The following ELP5 variants were observed in gnomAD, a reference collection of about 807,000 sequenced individuals.
The protein encoded by ELP5 is elongator complex protein 5.
ELP5 carries 34 observed loss-of-function variants against 33.4 expected under a neutral mutation model. That is an observed-to-expected ratio of 1.02 (90% confidence interval 0.78 to 1.36). The LOEUF (loss-of-function observed/expected upper bound fraction) is 1.36, where lower values mean the gene tolerates loss of function less well. Among genes scored for constraint, ELP5 ranks in the 40% most tolerant of loss-of-function variants. The probability of loss-of-function intolerance (pLI) is 0.00; values close to 1 mark genes in which losing one functional copy is unlikely to be tolerated. For synonymous variants in ELP5, 161 were observed against 146.4 expected, an observed-to-expected ratio of 1.10 and a Z score of -0.72; for missense variants, 373 against 371.7, an observed-to-expected ratio of 1.00 and a Z score of -0.03.
chr17:7,252,499 G>T lies in ELP5; in HGVS notation c.-52G>T. Reference sequence around the variant, plus strand: ...TTCACCCCGAGGAGGAAGGACACTGGGTCATGACGCCATCAGAGGGCGCCA... The same window carrying T: ...TTCACCCCGAGGAGGAAGGACACTGTGTCATGACGCCATCAGAGGGCGCCA... On this transcript the variant is annotated 5_prime_UTR_variant, in exon 1 of 8. Coordinates refer to ENST00000396628, the MANE Select transcript of ELP5 (RefSeq NM_203414.3). 1 of 1,613,482 alleles carries T rather than the reference G, an allele frequency of 6.2e-7. No individual in the cohort carries two copies. The highest frequency in any genetic ancestry group is 1.1e-5 in the South Asian group (1 of 90,910).
rs375900480 is a variant in ELP5 at position 7,259,720 on chromosome 17, G to A, written c.*35G>A. On this transcript the variant is annotated 3_prime_UTR_variant, in exon 8 of 8. Transcript: ENST00000396628. ...TTTGATTAGATTGTAATTGGAGGGG[G>A]CGCGGGAAGACTTTGGGCCCAGAAC... The A allele has an allele frequency of 1.1e-5, 17 of 1,613,650 alleles. No individual in the cohort carries two copies. In the Admixed American group the frequency reaches 2.8e-4, roughly 27 times the overall value.
Position 7,258,675 on chromosome 17 carries a change from A to T in ELP5, c.679A>T (p.Ile227Leu). 2 of 1,614,096 alleles carry T rather than the reference A, an allele frequency of 1.2e-6. No homozygotes were observed. Among genetic ancestry groups the T allele is most frequent in the East Asian group, 4.5e-5 (2 of 44,880 alleles). ...VESQPYSDPH[I>L]PPVDPTTHLT... ...GTCCCAGCCCTACTCCGATCCTCAT[A>T]TACCCCCGGTATCTAAGAATGCCAA... The change falls in exon 6 of 8, where the codon ATA becomes TTA. Residue 227 changes from isoleucine (I) to leucine (L), a missense_variant. Transcript: ENST00000396628.
intron 4 of ELP5, 117 bp downstream of exon 4, chr17:7,254,920 T>G (rs1283744364): frequency 2.7e-6 from 2 of 748,268 alleles, no homozygotes; most frequent in Non-Finnish European, 4.1e-6. Context: ...CTTTTTTCAT[T>G]TTTTTGACTT....
At position 7,258,606 on chromosome 17, in the gene ELP5, C is replaced by T; in HGVS notation, c.610C>T (p.Leu204Phe). 6.2e-7 allele frequency: 1 copy of T among 1,614,182 alleles called. No individual in the cohort carries two copies. Among genetic ancestry groups the T allele is most frequent in the Non-Finnish European group, 8.5e-7 (1 of 1,180,028 alleles). ...TCTCCAGACTCAGTGGTTCTCCATC[C>T]TTCCGGACTTCAGCCTGGATCTCCA... ...PTDQTQWFSI[L>F]PDFSLDLQEG... The change falls in exon 6 of 8, where the codon CTT (leucine) becomes TTT (phenylalanine). Residue 204 changes from leucine (L) to phenylalanine (F), a missense_variant. Leu to Phe is a conservative substitution (Grantham distance 22, BLOSUM62 0). Coordinates refer to ENST00000396628, the MANE Select transcript of ELP5 (RefSeq NM_203414.3).
intron 5 of ELP5, 46 bp downstream of exon 5, chr17:7,257,084 A>G (rs758828069): frequency 4.7e-5 from 71 of 1,498,922 alleles, no homozygotes; most frequent in Non-Finnish European, 6.2e-5. Flanking sequence ...GGACAGAGAA[A>G]GGGGTGGCAC....
rs2071984895 is a variant in ELP5, at chr17:7,252,985, G to C, written c.175G>C (p.Asp59His). The change falls in exon 3 of 8, where the codon GAT (aspartate) becomes CAT (histidine). Residue 59 changes from aspartate to histidine, a missense_variant. By Grantham distance (81) the Asp-to-His change is moderately conservative. Transcript: ENST00000396628. Reference protein sequence around the residue: ...EEEFREGFDSDINNRLVYHDF... With the variant: ...EEEFREGFDSHINNRLVYHDF... ...AGAGTTTCGTGAAGGTTTTGACTCT[G>C]ATATCAACAATCGGTAAGTACCAGT... 6.2e-7 allele frequency: 1 copy of C among 1,614,060 alleles called. No homozygotes were observed. Among genetic ancestry groups the C allele is most frequent in the South Asian group, 1.1e-5 (1 of 91,078 alleles).
At position 7,258,774 on chromosome 17, in the gene ELP5, G is replaced by T. The variant is rs774478307; in HGVS notation, c.688-52G>T. The T allele has an allele frequency of 1.1e-5, 17 of 1,613,934 alleles. No homozygotes were observed. The South Asian group carries it at 1.3e-4, about 13-fold the overall frequency. On this transcript the variant is annotated intron_variant, in intron 6 of 7. Coordinates refer to ENST00000396628, the MANE Select transcript of ELP5 (RefSeq NM_203414.3). ...TAAAAGCTGCAGAGGTTGGGGGTGGGGTCAGGGATTCTAGGGATGGGGCAG... is the reference window on the plus strand; with the variant it reads ...TAAAAGCTGCAGAGGTTGGGGGTGGTGTCAGGGATTCTAGGGATGGGGCAG...
intron 4 of ELP5, 49 bp downstream of exon 4, chr17:7,254,852 G>A (rs1230110150): frequency 6.7e-6 from 10 of 1,499,636 alleles, no homozygotes; most frequent in Non-Finnish European, 9.2e-6. Flanking sequence ...CCTCTGCCAA[G>A]GAGTGTGCCC....
chr17:7,259,590 C>T lies in ELP5; in HGVS notation c.808C>T (p.Pro270Ser), dbSNP rs148656210. 3.7e-6 allele frequency: 6 copies of T among 1,614,118 alleles called. No individual in the cohort carries two copies. The African/African-American group carries it at 6.7e-5, about 18-fold the overall frequency. The change falls in exon 8 of 8, where the codon CCT becomes TCT. Residue 270 changes from proline (P) to serine (S), a missense_variant. Transcript: ENST00000396628. Reference sequence around the variant, plus strand: ...TCTCAGACAGCAGGCTCTCCTGCGGCCTAGGCCAGGGCAGGCTACCAGCCA... The same window carrying T: ...TCTCAGACAGCAGGCTCTCCTGCGGTCTAGGCCAGGGCAGGCTACCAGCCA... ...SSEKQQALLR[P>S]RPGQATSHIF... is the part of the protein sequence containing the mutation.
rs751227713 is a variant in ELP5 at position 7,259,784 on chromosome 17, G to C, written c.*99G>C. 150 of 1,518,220 alleles carry C rather than the reference G, an allele frequency of 9.9e-5. No individual in the cohort carries two copies. Among genetic ancestry groups the C allele is most frequent in the Middle Eastern group, 3.5e-4 (2 of 5,642 alleles). 94.0% of individuals were successfully genotyped at this position (1,518,220 alleles called of 1,614,324 possible). ...TTTGTGTTAGCCTTACCCTGTCCCT[G>C]CCCCACCTTGGTTCCCCTTGTCTAT... On this transcript the variant is annotated 3_prime_UTR_variant, in exon 8 of 8. Transcript: ENST00000396628.
At chr17:7,254,409 A>C (rs1463773195) in intron 3 of ELP5, among the ~76,000 whole-genome samples, 174 bp from the exon 4 acceptor site, 1 of 152,186 alleles carries the variant, frequency 6.6e-6, no homozygotes, top group Non-Finnish European at 1.5e-5. Flanking sequence ...AGGCTGTCAG[A>C]CACCAAAGTC....
At chr17:7,259,490 G>A in intron 7 of ELP5, 81 bp from the exon 8 acceptor site, 2 of 1,586,958 alleles carry the variant, frequency 1.3e-6, no homozygotes, top group Non-Finnish European at 1.7e-6. Context: ...TTGCCTGAAT[G>A]AGAGTCACAG....
At chr17:7,255,503 G>T (rs964937137) in intron 4 of ELP5, among the ~76,000 whole-genome samples, 7 of 151,560 alleles carry the variant, frequency 4.6e-5, no homozygotes, top group Admixed American at 1.3e-4. Context: ...CTCCAGCCTG[G>T]GCGACAGAGC....
In ELP5 at chr17:7,252,975, T is replaced by A; in HGVS notation, c.165T>A (p.Gly55=). The A allele has an allele frequency of 1.2e-6, 2 of 1,614,124 alleles. No individual in the cohort carries two copies. Among genetic ancestry groups the A allele is most frequent in the Middle Eastern group, 3.3e-4 (2 of 6,062 alleles). ...TGAGCGAGGAAGAGTTTCGTGAAGG[T>A]TTTGACTCTGATATCAACAATCGGT... ...CEVSEEEFRE[G]FDSDINNRLV... Residue 55 remains glycine, a synonymous_variant, in exon 3 of 8, where the codon GGT becomes GGA. Coordinates refer to ENST00000396628, the MANE Select transcript of ELP5 (RefSeq NM_203414.3).
chr17:7,255,103 T>C (rs144090765), intron 4 of ELP5, among the ~76,000 whole-genome samples: 7 of 152,238 alleles, frequency 4.6e-5, no homozygotes, highest in Middle Eastern at 3.4e-3. Context: ...AAATACAGAC[T>C]GACTGTAGCT....
chr17:7,251,844 G>A (rs555526730), upstream of ELP5: 38 of 153,868 alleles, frequency 2.5e-4, no homozygotes, highest in South Asian at 3.8e-3. Context: ...GGAGCCGGAG[G>A]GCGCAGAGCG....
At chr17:7,255,659 T>C (rs978238927) in intron 4 of ELP5, among the ~76,000 whole-genome samples, 2 of 152,200 alleles carry the variant, frequency 1.3e-5, no homozygotes, top group African/African-American at 4.8e-5. Context: ...CGCCCAGCTT[T>C]GTATTAAGGT....
At position 7,259,568 on chromosome 17, in the gene ELP5, C is replaced by T; in HGVS notation, c.789-3C>T. Reference sequence around the variant, plus strand: ...TCACCAGCACCAAATCTTCCCTTCTCAGACAGCAGGCTCTCCTGCGGCCTA... The same window carrying T: ...TCACCAGCACCAAATCTTCCCTTCTTAGACAGCAGGCTCTCCTGCGGCCTA... On this transcript the variant is annotated splice_region_variant and splice_polypyrimidine_tract_variant and intron_variant, in intron 7 of 7. Coordinates refer to ENST00000396628, the MANE Select transcript of ELP5 (RefSeq NM_203414.3). 1.2e-6 allele frequency: 2 copies of T among 1,614,142 alleles called. No homozygotes were observed. Among genetic ancestry groups the T allele is most frequent in the African/African-American group, 1.3e-5 (1 of 75,070 alleles).
rs2072170427 is a variant in ELP5 at position 7,259,744 on chromosome 17, A to G, written c.*59A>G. 5 of 1,605,920 alleles carry G rather than the reference A, an allele frequency of 3.1e-6. No individual in the cohort carries two copies. Among genetic ancestry groups the G allele is most frequent in the Non-Finnish European group, 3.4e-6 (4 of 1,176,284 alleles). ...GGCGCGGGAAGACTTTGGGCCCAGA[A>G]CCATCTTTCTATTGTTTGTGTTAGC... On this transcript the variant is annotated 3_prime_UTR_variant, in exon 8 of 8. Coordinates refer to ENST00000396628, the MANE Select transcript of ELP5 (RefSeq NM_203414.3).
Sources: gnomAD v4.1 joint callset for allele counts (sites outside exome capture counted in the v4.1 genomes callset) on GRCh38, gnomAD v4.1.1 for gene constraint, MANE v1.5 for transcripts, NCBI Gene and HGNC (gene_info 2026-07-23, HGNC 2026-07-21) for gene names.